Variants in CNBD1 observed in about 807,000 individuals in gnomAD.
CNBD1 encodes cyclic nucleotide-binding domain-containing protein 1.
CNBD1 carries 71 observed loss-of-function variants against 54.4 expected under a neutral mutation model. The ratio of observed to expected loss-of-function variants is 1.30; its 90% CI spans 1.08 to 1.59. The LOEUF (loss-of-function observed/expected upper bound fraction) is 1.59. CNBD1 is among the 40% of genes most tolerant of loss of function. The pLI, the probability that CNBD1 is intolerant of heterozygous loss-of-function variation, is 0.00. For synonymous variants in CNBD1, 182 were observed against 170.7 expected (o/e 1.07, Z -0.51); for missense variants, 659 against 518.0 (o/e 1.27, Z -2.64).
intron 3 of CNBD1, among the ~76,000 whole-genome samples, chr8:86,934,393 A>G (rs1288429836): frequency 1.3e-5 from 2 of 152,176 alleles, no homozygotes; most frequent in Admixed American, 1.3e-4. Flanking sequence ...CAGTTATAAT[A>G]TCTGTGGATT....
chr8:87,278,042 A>G (rs182953757), intron 6 of CNBD1, among the ~76,000 whole-genome samples: 46 of 151,748 alleles, frequency 3.0e-4, no homozygotes, highest in Non-Finnish European at 8.9e-5. Flanking sequence ...GTAAAATGAA[A>G]TTAATAACTC....
chr8:87,382,409 G>T (rs906155652), intron 10 of CNBD1, among the ~76,000 whole-genome samples: 3 of 151,960 alleles, frequency 2.0e-5, no homozygotes, highest in Non-Finnish European at 2.9e-5. Flanking sequence ...AATTTTCCTT[G>T]TGGAAAAATG....
chr8:87,426,146 T>A (rs10094662), intron 2 of CNBD1, among the ~76,000 whole-genome samples: 1 of 152,112 alleles, frequency 6.6e-6, no homozygotes, highest in Non-Finnish European at 1.5e-5. Context: ...TTGTGCTTCC[T>A]GAGTGAGGCA....
chr8:87,353,126 C>T (rs1355922076), intron 9 of CNBD1, among the ~76,000 whole-genome samples: 5 of 152,176 alleles, frequency 3.3e-5, no homozygotes, highest in South Asian at 2.1e-4. Context: ...TTCCCTGAGT[C>T]AAACTCATTT....
At chr8:86,996,388 G>A (rs1343192691) in intron 4 of CNBD1, among the ~76,000 whole-genome samples, 1 of 152,124 alleles carries the variant, frequency 6.6e-6, no homozygotes, top group African/African-American at 2.4e-5. Flanking sequence ...ATTAATTGAT[G>A]TAAACATCAA....
At chr8:87,090,007 A>C (rs1477109942) in intron 4 of CNBD1, among the ~76,000 whole-genome samples, 1 of 152,120 alleles carries the variant, frequency 6.6e-6, no homozygotes, top group Non-Finnish European at 1.5e-5. Context: ...CAAATGTAAA[A>C]AGAGTACACC....
At chr8:87,408,826 T>A (rs752124915) in intron 2 of CNBD1, among the ~76,000 whole-genome samples, 3 of 152,130 alleles carry the variant, frequency 2.0e-5, no homozygotes, top group Non-Finnish European at 4.4e-5. Context: ...TTGATGTTAC[T>A]ATTGTAATTG....
intron 8 of CNBD1, among the ~76,000 whole-genome samples, chr8:87,341,421 G>A (rs566762954): frequency 6.6e-6 from 1 of 152,130 alleles, no homozygotes; most frequent in Non-Finnish European, 1.5e-5. Context: ...ACTGGTTGCT[G>A]GGAGTTTTCT....
intron 4 of CNBD1, among the ~76,000 whole-genome samples, chr8:87,005,234 G>T (rs1809072663): frequency 6.6e-6 from 1 of 151,968 alleles, no homozygotes; most frequent in Non-Finnish European, 1.5e-5. Flanking sequence ...GCCGGGCACG[G>T]TGGCGGGCGC....
intron 4 of CNBD1, among the ~76,000 whole-genome samples, chr8:87,190,225 T>C (rs539621214): frequency 1.2e-4 from 18 of 152,316 alleles, no homozygotes; most frequent in African/African-American, 4.1e-4. Context: ...TATGTTCATG[T>C]ACCCCCAAAC....
intron 4 of CNBD1, among the ~76,000 whole-genome samples, chr8:87,178,539 A>T (rs185738927): frequency 1.3e-5 from 2 of 152,298 alleles, no homozygotes; most frequent in African/African-American, 4.8e-5. Flanking sequence ...GCAGTCGGAG[A>T]GATAGTTTGG....
chr8:86,938,930 C>T (rs559320285), intron 3 of CNBD1, among the ~76,000 whole-genome samples: 2 of 152,278 alleles, frequency 1.3e-5, no homozygotes, highest in South Asian at 2.1e-4. Flanking sequence ...AATTAAAGGT[C>T]TATTATCAAG....
chr8:87,168,716 A>G (rs1437752831), intron 4 of CNBD1, among the ~76,000 whole-genome samples: 1 of 151,982 alleles, frequency 6.6e-6, no homozygotes, highest in African/African-American at 2.4e-5. Context: ...ATTTCACTTA[A>G]CATAATGACC....
rs1191156715 is a variant in CNBD1 at position 87,024,911 on chromosome 8, AG to A, written c.431+85158del. Among the ~76,000 whole-genome samples the A allele has an allele frequency of 5.3e-5, 8 of 152,220 alleles. No homozygotes were observed. In the East Asian group the frequency reaches 1.3e-3, roughly 26 times the overall value. ...TAAAATTTTATTAATTAAATGCTCAAGTTAAAGCATTTAAAAATAACTTTCC... is the reference window on the plus strand; with the variant it reads ...TAAAATTTTATTAATTAAATGCTCAATTAAAGCATTTAAAAATAACTTTCC... On this transcript the variant is annotated intron_variant, in intron 4 of 10. Transcript: ENST00000518476.
intron 4 of CNBD1, among the ~76,000 whole-genome samples, chr8:87,121,330 A>G (rs1404455): frequency 0.5 from 75,907 of 151,394 alleles, 19,379 homozygotes; most frequent in Non-Finnish European, 0.54. Context: ...ACAAAATTGT[A>G]TTAGGAAATA....
chr8:86,987,575 G>T (rs1332599990), intron 4 of CNBD1, among the ~76,000 whole-genome samples: 1 of 152,086 alleles, frequency 6.6e-6, no homozygotes, highest in Non-Finnish European at 1.5e-5. Flanking sequence ...TCCTTGTCTT[G>T]TTCCAGTTCT....
At chr8:87,102,606 C>CT (rs1203914290) in intron 4 of CNBD1, among the ~76,000 whole-genome samples, 23 of 151,146 alleles carry the variant, frequency 1.5e-4, no homozygotes, top group African/African-American at 3.9e-4. Context: ...GGCAGCAGGA[C>CT]TTTTTTTTGT....
At chr8:87,184,777 A>G (rs1813438905) in intron 4 of CNBD1, among the ~76,000 whole-genome samples, 1 of 152,006 alleles carries the variant, frequency 6.6e-6, no homozygotes, top group Admixed American at 6.6e-5. Context: ...AGATCTATTC[A>G]GAGTCTGCTG....
intron 2 of CNBD1, among the ~76,000 whole-genome samples, chr8:87,419,835 C>A (rs1367975277): frequency 6.6e-6 from 1 of 151,446 alleles, no homozygotes; most frequent in South Asian, 2.1e-4. Flanking sequence ...TTCTAAAGGA[C>A]AAGAGAGAAA....
Sources: allele counts gnomAD v4.1 joint callset (sites outside exome capture counted in the v4.1 genomes callset), GRCh38; gene constraint gnomAD v4.1.1; transcripts MANE v1.5; gene names NCBI Gene and HGNC (gene_info 2026-07-23, HGNC 2026-07-21).